Variants in U2AF1L4 observed in about 807,000 individuals in gnomAD.
U2AF1L4 encodes the protein U2 small nuclear RNA auxiliary factor 1 like 4, also known as splicing factor U2AF 26 kDa subunit.
A neutral mutation model predicts 21.7 loss-of-function variants in U2AF1L4; 21 were observed. The ratio of observed to expected loss-of-function variants is 0.97; its 90% CI spans 0.69 to 1.39. The LOEUF (loss-of-function observed/expected upper bound fraction) is 1.39. Among genes scored for constraint, U2AF1L4 ranks in the 40% most tolerant of loss-of-function variants. U2AF1L4 has a pLI of 0.00. For synonymous variants in U2AF1L4, 92 were observed against 89.7 expected (o/e 1.03, Z -0.15); for missense variants, 259 against 245.7 (o/e 1.05, Z -0.36).
chr19:35,744,597 C>T (rs772127501), intron 2 of U2AF1L4, 176 bp from the exon 3 acceptor site: 7 of 1,539,140 alleles, frequency 4.5e-6, no homozygotes, highest in Non-Finnish European at 6.1e-6. Context: ...GGCTGTTCAC[C>T]TTGCCCCCAG....
chr19:35,743,891 C>CTCGG lies in U2AF1L4; in HGVS notation c.375_378dup (p.Gly127ProfsTer50). ...AGATGCATGAAGTTGCAGAAGCCAC[C>CTCGG]TCGGGTACATTCCCTGCATAGAGGG... On this transcript the variant is annotated frameshift_variant, in exon 5 of 6. Transcript: ENST00000378975. LOFTEE classifies it high-confidence loss of function. 6.2e-7 allele frequency: 1 copy of CTCGG among 1,613,690 alleles called. No homozygotes were observed. Among genetic ancestry groups the CTCGG allele is most frequent in the Non-Finnish European group, 8.5e-7 (1 of 1,179,850 alleles).
chr19:35,745,010 C>T, intron 2 of U2AF1L4, 115 bp downstream of exon 2: 1 of 1,046,898 alleles, frequency 9.6e-7, no homozygotes, highest in Non-Finnish European at 1.4e-6. Context: ...AGAAAAAAAG[C>T]CGGGCGGTGG....
chr19:35,744,070 C>T lies in U2AF1L4; in HGVS notation c.307G>A (p.Gly103Ser). The T allele has an allele frequency of 3.7e-6, 6 of 1,614,022 alleles. No homozygotes were observed. Among genetic ancestry groups the T allele is most frequent in the Middle Eastern group, 1.6e-4 (1 of 6,062 alleles). Residue 103 changes from glycine (G) to serine (S), a missense_variant, in exon 4 of 6, where the codon GGT becomes AGT. Gly to Ser is a moderately conservative substitution (Grantham distance 56). Transcript: ENST00000378975. The part of the protein sequence containing the change: ...NRWFNGQAVH[G>S]ELSPVTDFRE... ...AAGTCAGTGACAGGAGACAGCTCACCGTGCACAGCCTGCCCGTTGAACCAG... is the reference window on the plus strand; with the variant it reads ...AAGTCAGTGACAGGAGACAGCTCACTGTGCACAGCCTGCCCGTTGAACCAG...
In U2AF1L4 at chr19:35,744,804, T is replaced by G. The variant is rs987932208; in HGVS notation, c.132+321A>C. The G allele has an allele frequency of 3.2e-5, 40 of 1,268,834 alleles. No individual in the cohort carries two copies. In the Admixed American group the frequency reaches 6.0e-4, roughly 19 times the overall value. 78.6% of individuals were successfully genotyped at this position (1,268,834 alleles called of 1,614,324 possible). A position where few individuals can be genotyped will look rare whatever the true frequency, so the allele number is the denominator to read the frequency against. ...ACCTTACACCCCAGCCTAAGCATCATGAGTGCATCGGCGATCCTTTGCCCC... is the reference window on the plus strand; with the variant it reads ...ACCTTACACCCCAGCCTAAGCATCAGGAGTGCATCGGCGATCCTTTGCCCC... On this transcript the variant is annotated intron_variant, in intron 2 of 5. Transcript: ENST00000378975.
rs1439441815 is a variant in U2AF1L4, at chr19:35,745,352, CCTT to C, written c.37_39del (p.Lys13del). On this transcript the variant is annotated inframe_deletion, in exon 1 of 6. Transcript: ENST00000378975. Reference sequence around the variant, plus strand: ...ACTCCCAGCGCCCGTTCTCACTTGTCCTTCTCAGTCCCGAATATCGAAGCTAAA... The same window carrying C: ...ACTCCCAGCGCCCGTTCTCACTTGTCCTCAGTCCCGAATATCGAAGCTAAA... 9 of 1,611,334 alleles carry C rather than the reference CCTT, an allele frequency of 5.6e-6. No homozygotes were observed. The highest frequency in any genetic ancestry group is 7.6e-6 in the Non-Finnish European group (9 of 1,178,918).
At chr19:35,743,373 CAAAAAAAAAA>C (rs536755635) in intron 5 of U2AF1L4, 67 of 78,216 alleles carry the variant, frequency 8.6e-4, no homozygotes, top group South Asian at 3.6e-3. Context: ...AACTCCGTCT[CAAAAAAAAAA>C]AAAAAAAAAA....
At position 35,745,355 on chromosome 19, in the gene U2AF1L4, T is replaced by C. The variant is rs753912445; in HGVS notation, c.37A>G (p.Lys13Glu). The C allele has an allele frequency of 3.1e-6, 5 of 1,613,750 alleles. No individual in the cohort carries two copies. In the South Asian group the frequency reaches 5.5e-5, roughly 18 times the overall value. Residue 13 changes from lysine to glutamate, a missense_variant, in exon 1 of 6, where the codon AAG (lysine) becomes GAG (glutamate). Lys to Glu is a moderately conservative substitution (Grantham distance 56). Transcript: ENST00000378975. Reference sequence around the variant, plus strand: ...CCCAGCGCCCGTTCTCACTTGTCCTTCTCAGTCCCGAATATCGAAGCTAAA... The same window carrying C: ...CCCAGCGCCCGTTCTCACTTGTCCTCCTCAGTCCCGAATATCGAAGCTAAA... Reference protein sequence around the residue: ...EYLASIFGTEKDKVNCSFYFK... With the variant: ...EYLASIFGTEEDKVNCSFYFK...
At chr19:35,743,256 C>T (rs1970355039) in intron 5 of U2AF1L4, 1 of 273,734 alleles carries the variant, frequency 3.7e-6, no homozygotes, top group Admixed American at 5.4e-5. Context: ...GCCTATAATC[C>T]CAGCTACTTG....
At chr19:35,743,271 G>T in intron 5 of U2AF1L4, 1 of 272,510 alleles carries the variant, frequency 3.7e-6, no homozygotes, top group South Asian at 3.0e-5. Flanking sequence ...TACTTGGGAG[G>T]CTGAGAAAGG....
chr19:35,744,758 G>C (rs1034831423), intron 2 of U2AF1L4: 14 of 1,526,506 alleles, frequency 9.2e-6, no homozygotes, highest in Non-Finnish European at 1.1e-5. Flanking sequence ...CAGAGAGTGA[G>C]GCATGAAGGT....
Position 35,743,790 on chromosome 19 carries a change from C to T in U2AF1L4, c.461+19G>A, listed in dbSNP as rs1051581394. The T allele has an allele frequency of 5.0e-6, 8 of 1,599,014 alleles. No homozygotes were observed. In the African/African-American group the frequency reaches 1.1e-4, roughly 21 times the overall value. On this transcript the variant is annotated intron_variant, in intron 5 of 5. Transcript: ENST00000378975. ...GGCCTTAGGACATGAGGAGACATAG[C>T]AGGCTGGTCCTGAGGTACCTGCGCC...
In U2AF1L4 at chr19:35,742,804, C is replaced by G. The variant is rs773658386; in HGVS notation, c.462-1G>C. On this transcript the variant is annotated splice_acceptor_variant, in intron 5 of 5. Coordinates refer to ENST00000378975, the MANE Select transcript of U2AF1L4 (RefSeq NM_001040425.3). LOFTEE classifies it high-confidence loss of function. The stretch of plus-strand genomic sequence containing the variant: ...GCCAGTATGGAACCTCGGGGGTGAC[C>G]TGGGAATAGGAGCGTTGAGAGTTCT... The G allele has an allele frequency of 6.8e-6, 11 of 1,609,914 alleles. 1 individual carries two copies. In the Admixed American group the frequency reaches 1.7e-4, roughly 24 times the overall value.
At chr19:35,743,323 A>AGTC (rs1394733153) in intron 5 of U2AF1L4, 5 of 257,924 alleles carry the variant, frequency 1.9e-5, no homozygotes, top group African/African-American at 1.3e-4. Context: ...CACTGAGCCA[A>AGTC]GACTGCGCCT....
At chr19:35,743,272 C>T in intron 5 of U2AF1L4, 1 of 262,678 alleles carries the variant, frequency 3.8e-6, no homozygotes. Context: ...ACTTGGGAGG[C>T]TGAGAAAGGA....
At chr19:35,744,301 C>G (rs1446422161) in intron 3 of U2AF1L4, 22 bp downstream of exon 3, 2 of 1,613,538 alleles carry the variant, frequency 1.2e-6, no homozygotes, top group Non-Finnish European at 1.7e-6. Context: ...CTTCTGGGCC[C>G]TAAGTGGGGG....
At chr19:35,743,629 A>G in intron 5 of U2AF1L4, 180 bp downstream of exon 5, 1 of 650,570 alleles carries the variant, frequency 1.5e-6, no homozygotes, top group Non-Finnish European at 2.7e-6. Flanking sequence ...GGAAGTTGCC[A>G]TGAACCAAGA....
intron 2 of U2AF1L4, chr19:35,744,635 C>T (rs1350632917): frequency 2.0e-6 from 3 of 1,536,554 alleles, no homozygotes; most frequent in South Asian, 1.2e-5. Flanking sequence ...CAGTGTGATC[C>T]GTCTGCAGTT....
At position 35,742,732 on chromosome 19, in the gene U2AF1L4, TG is replaced by T. The variant is rs1360903221; in HGVS notation, c.532del (p.His178MetfsTer45). The stretch of plus-strand genomic sequence containing the variant: ...GGGGCCAGGGCCTCAGAAGCGGCCA[TG>T]CCAGTGATCAGGGGAACACCGATGG... Reference protein sequence around the residue: ...RNHRCSPDHWHGRF With the variant: ...RNHRCSPDHWXGRF On this transcript the variant is annotated frameshift_variant, in exon 6 of 6. Transcript: ENST00000378975. LOFTEE classifies it high-confidence loss of function. 3 of 1,610,618 alleles carry T rather than the reference TG, an allele frequency of 1.9e-6. No homozygotes were observed. Among genetic ancestry groups the T allele is most frequent in the Non-Finnish European group, 2.5e-6 (3 of 1,179,288 alleles).
rs372835065 is a variant in U2AF1L4 at position 35,745,352 on chromosome 19, C to G, written c.40G>C (p.Asp14His). The G allele has an allele frequency of 7.4e-6, 12 of 1,611,334 alleles. No individual in the cohort carries two copies. Among genetic ancestry groups the G allele is most frequent in the Non-Finnish European group, 1.0e-5 (12 of 1,178,918 alleles). Reference sequence around the variant, plus strand: ...ACTCCCAGCGCCCGTTCTCACTTGTCCTTCTCAGTCCCGAATATCGAAGCT... The same window carrying G: ...ACTCCCAGCGCCCGTTCTCACTTGTGCTTCTCAGTCCCGAATATCGAAGCT... ...YLASIFGTEK[D>H]KVNCSFYFKI... Residue 14 changes from aspartate to histidine, a missense_variant, in exon 1 of 6, where the codon GAC becomes CAC. By Grantham distance (81) the Asp-to-His change is moderately conservative (BLOSUM62 -1). Transcript: ENST00000378975.
Sources: allele counts gnomAD v4.1 joint callset, GRCh38; gene constraint gnomAD v4.1.1; transcripts MANE v1.5; gene names NCBI Gene and HGNC (gene_info 2026-07-23, HGNC 2026-07-21).